Variants in TEX15 observed in about 807,000 individuals in gnomAD.
TEX15 encodes the protein testis-expressed protein 15.
TEX15 carries 171 observed loss-of-function variants against 237.3 expected under a neutral mutation model. The ratio of observed to expected loss-of-function variants is 0.72; its 90% confidence interval spans 0.64 to 0.82. The LOEUF is 0.82. TEX15 is among the 40% of genes least tolerant of loss of function. TEX15 has a pLI of 0.00. For synonymous variants in TEX15, 1,338 were observed against 1,269.8 expected (o/e 1.05, Z -1.14); for missense variants, 3,750 against 3,646.5 (o/e 1.03, Z -0.73).
In TEX15 at chr8:30,848,093, T is replaced by C. The variant is rs1230304588; in HGVS notation, c.2074A>G (p.Lys692Glu). ...TCCTTTATGGTAGATGTAGAAGATT[T>C]TGTTATTTCTAACTCTTGAGTAATT... ...ILITQELEITKSSTSTIKDKD... is the reference protein window; with the variant it reads ...ILITQELEITESSTSTIKDKD... Residue 692 changes from lysine (K) to glutamate (E), a missense_variant, in exon 8 of 11, where the codon AAA (lysine) becomes GAA (glutamate). Transcript: ENST00000643185. The C allele has an allele frequency of 2.5e-6, 4 of 1,610,858 alleles. No individual in the cohort carries two copies. The highest frequency in any genetic ancestry group is 2.5e-6 in the Non-Finnish European group (3 of 1,178,380).
At chr8:30,879,150 T>C (rs980371669) in intron 3 of TEX15, among the ~76,000 whole-genome samples, 1 of 152,130 alleles carries the variant, frequency 6.6e-6, no homozygotes, top group Admixed American at 6.5e-5. Flanking sequence ...CCTACTGAAC[T>C]TTGAAAGTGC....
intron 3 of TEX15, among the ~76,000 whole-genome samples, chr8:30,877,440 CATA>C (rs887955643): frequency 6.6e-6 from 1 of 152,114 alleles, no homozygotes; most frequent in Admixed American, 6.6e-5. Context: ...CAGAAGTTAA[CATA>C]ATGACAAAAA....
intron 3 of TEX15, among the ~76,000 whole-genome samples, chr8:30,880,546 CT>C (rs1808498088): frequency 6.6e-6 from 1 of 152,120 alleles, no homozygotes; most frequent in African/African-American, 2.4e-5. Flanking sequence ...AGATGAAGAC[CT>C]TTATGGTGAT....
At chr8:30,890,394 C>G (rs2128776870) in intron 2 of TEX15, 1 of 152,140 alleles carries the variant, frequency 6.6e-6, no homozygotes, top group African/African-American at 2.4e-5. Context: ...AGTAGAAATT[C>G]AATAAAAGTA....
Position 30,845,857 on chromosome 8 carries a change from T to C in TEX15, c.4310A>G (p.Gln1437Arg), listed in dbSNP as rs1370337520. ...CDLQGYSSVS[Q>R]RKYYSTKHFS... ...ATGCTTAGTAGAATAATATTTTCTT[T>C]GAGACACAGAACTATAACCTTGAAG... The change falls in exon 8 of 11, where the codon CAA (glutamine) becomes CGA (arginine). Residue 1437 changes from glutamine to arginine, a missense_variant. Coordinates refer to ENST00000643185, the MANE Select transcript of TEX15 (RefSeq NM_001350162.2). The C allele has an allele frequency of 6.2e-7, 1 of 1,610,970 alleles. No individual in the cohort carries two copies. The highest frequency in any genetic ancestry group is 8.5e-7 in the Non-Finnish European group (1 of 1,179,148).
intron 2 of TEX15, among the ~76,000 whole-genome samples, chr8:30,889,637 A>G (rs1222183110): frequency 2.0e-5 from 3 of 152,122 alleles, no homozygotes; most frequent in African/African-American, 7.2e-5. Context: ...TCAGGACACA[A>G]TGGTATTCAA....
Position 30,837,008 on chromosome 8 carries a change from CAGA to C in TEX15, c.9273_9275del (p.Leu3092del). 1 of 1,614,078 alleles carries C rather than the reference CAGA, an allele frequency of 6.2e-7. No individual in the cohort carries two copies. Among genetic ancestry groups the C allele is most frequent in the Non-Finnish European group, 8.5e-7 (1 of 1,180,018 alleles). On this transcript the variant is annotated inframe_deletion, in exon 10 of 11. Coordinates refer to ENST00000643185, the MANE Select transcript of TEX15 (RefSeq NM_001350162.2). ...CAAAATAAGTAAAATATTGAGAGTA[CAGA>C]AGATTAGAATGTGTGCCCTGGGCAG...
At chr8:30,898,376 C>T (rs1056428495) in intron 2 of TEX15, among the ~76,000 whole-genome samples, 10 of 152,142 alleles carry the variant, frequency 6.6e-5, no homozygotes, top group African/African-American at 1.4e-4. Flanking sequence ...CCTTCCACCA[C>T]GCAATAACAC....
chr8:30,863,480 T>C (rs1373234519), intron 5 of TEX15, among the ~76,000 whole-genome samples: 3 of 152,088 alleles, frequency 2.0e-5, no homozygotes, highest in Non-Finnish European at 4.4e-5. Flanking sequence ...ACATATGGTA[T>C]ATGTATTCTC....
At chr8:30,853,203 C>A (rs1807826513) in intron 7 of TEX15, among the ~76,000 whole-genome samples, 1 of 152,090 alleles carries the variant, frequency 6.6e-6, no homozygotes, top group South Asian at 2.1e-4. Context: ...TATAAGCCTT[C>A]CGGCTGAGGG....
Position 30,845,334 on chromosome 8 carries a change from T to G in TEX15, c.4833A>C (p.Val1611=). ...TKENSCDANE[V]INESNSVSLS... is the part of the protein sequence containing the mutation. ...AAGATACAGAATTACTTTCATTTAT[T>G]ACTTCATTAGCGTCACAACTGTTTT... Residue 1611 remains valine, a synonymous_variant, in exon 8 of 11, where the codon GTA becomes GTC. Coordinates refer to ENST00000643185, the MANE Select transcript of TEX15 (RefSeq NM_001350162.2). 6.2e-7 allele frequency: 1 copy of G among 1,612,708 alleles called. No homozygotes were observed. Among genetic ancestry groups the G allele is most frequent in the Non-Finnish European group, 8.5e-7 (1 of 1,179,178 alleles).
chr8:30,875,382 T>C (rs904159475), intron 3 of TEX15, among the ~76,000 whole-genome samples: 3 of 152,206 alleles, frequency 2.0e-5, no homozygotes, highest in Non-Finnish European at 4.4e-5. Flanking sequence ...CAACTTAAGA[T>C]GTTGCAACTC....
intron 1 of TEX15, among the ~76,000 whole-genome samples, chr8:30,907,032 TA>T (rs1316529754): frequency 6.6e-6 from 1 of 152,230 alleles, no homozygotes; most frequent in Non-Finnish European, 1.5e-5. Flanking sequence ...AAAGGTTGTA[TA>T]AATCTTCGTA....
At chr8:30,905,004 T>A (rs1585318387) in intron 1 of TEX15, among the ~76,000 whole-genome samples, 1 of 152,316 alleles carries the variant, frequency 6.6e-6, no homozygotes, top group African/African-American at 2.4e-5. Context: ...ACATTTTCTT[T>A]AGGTACTTAC....
intron 9 of TEX15, among the ~76,000 whole-genome samples, chr8:30,839,647 A>T (rs1399236828): frequency 6.6e-6 from 1 of 152,170 alleles, no homozygotes; most frequent in Non-Finnish European, 1.5e-5. Flanking sequence ...GAATATTCTT[A>T]ACCTTTACAT....
chr8:30,838,773 CATATATATATATATAT>C (rs34610592), intron 9 of TEX15, among the ~76,000 whole-genome samples: 1,006 of 65,468 alleles, frequency 0.015, 15 homozygotes, highest in Middle Eastern at 0.042. Context: ...TATATAAAAA[CATATATATATATATAT>C]ATATATATAT....
At chr8:30,881,902 C>A (rs978358877) in intron 3 of TEX15, among the ~76,000 whole-genome samples, 8 of 152,026 alleles carry the variant, frequency 5.3e-5, no homozygotes, top group Non-Finnish European at 1.0e-4. Flanking sequence ...GGATTACAGG[C>A]GTGAGCCACC....
At chr8:30,905,130 T>C (rs1240776618) in intron 1 of TEX15, among the ~76,000 whole-genome samples, 2 of 152,194 alleles carry the variant, frequency 1.3e-5, no homozygotes, top group Admixed American at 1.3e-4. Flanking sequence ...CATTTTAAGA[T>C]TCTACCTGAC....
chr8:30,838,061 C>G lies in TEX15; in HGVS notation c.8223G>C (p.Arg2741Ser), dbSNP rs1360665928. Residue 2741 changes from arginine (R) to serine (S), a missense_variant and splice_region_variant, in exon 10 of 11, where the codon AGG (arginine) becomes AGC (serine). Physicochemically the swap from Arg to Ser is moderately radical, Grantham distance 110. Coordinates refer to ENST00000643185, the MANE Select transcript of TEX15 (RefSeq NM_001350162.2). Reference sequence around the variant, plus strand: ...CGCTTTTGGGATGAGATCCTGTAGTCCTATTAGGTGCAACACATACATAAA... The same window carrying G: ...CGCTTTTGGGATGAGATCCTGTAGTGCTATTAGGTGCAACACATACATAAA... Reference protein sequence around the residue: ...NREKATFKHPRTTGSHPKSEN... With the variant: ...NREKATFKHPSTTGSHPKSEN... 1.2e-6 allele frequency: 2 copies of G among 1,600,266 alleles called. No homozygotes were observed. Among genetic ancestry groups the G allele is most frequent in the Non-Finnish European group, 1.7e-6 (2 of 1,175,600 alleles).
Sources: allele counts gnomAD v4.1 joint callset (sites outside exome capture counted in the v4.1 genomes callset), GRCh38; gene constraint gnomAD v4.1.1; transcripts MANE v1.5; gene names NCBI Gene and HGNC (gene_info 2026-07-23, HGNC 2026-07-21).